DGLUCY: variants seen among roughly 807,000 people sequenced by gnomAD.
DGLUCY encodes D-glutamate cyclase.
In DGLUCY, 58 loss-of-function variants were observed where a neutral mutation model predicts 58.5. The observed-to-expected ratio is 0.99, with a 90% CI of 0.80 to 1.23. The LOEUF is 1.23. Ranked by LOEUF, DGLUCY falls within the 50% of genes most tolerant of loss-of-function variation. The probability of loss-of-function intolerance (pLI) is 0.00; values close to 1 mark genes in which losing one functional copy is unlikely to be tolerated. For missense variants in DGLUCY, 779 were observed against 784.7 expected, an observed-to-expected ratio of 0.99 and a Z score of 0.09; for synonymous variants, 325 against 314.1, an observed-to-expected ratio of 1.03 and a Z score of -0.37.
At chr14:91,085,402 T>C (rs1379737722) in intron 1 of DGLUCY, among the ~76,000 whole-genome samples, 1 of 151,900 alleles carries the variant, frequency 6.6e-6, no homozygotes, top group African/African-American at 2.4e-5. Flanking sequence ...ACGTTCTCCA[T>C]ACCCCCCACA....
chr14:91,088,697 C>A (rs1244483123), intron 1 of DGLUCY, among the ~76,000 whole-genome samples: 1 of 152,218 alleles, frequency 6.6e-6, no homozygotes, highest in African/African-American at 2.4e-5. Context: ...CTGCAGGCCA[C>A]GGTGACCTCA....
chr14:91,191,128 G>C (rs1328737523), intron 9 of DGLUCY, among the ~76,000 whole-genome samples: 1 of 152,212 alleles, frequency 6.6e-6, no homozygotes, highest in African/African-American at 2.4e-5. Flanking sequence ...ACCCCTGGGG[G>C]ACAGGACCTG....
chr14:91,172,180 C>G (rs892995671), intron 5 of DGLUCY, among the ~76,000 whole-genome samples: 8 of 152,164 alleles, frequency 5.3e-5, no homozygotes, highest in Non-Finnish European at 1.2e-4. Context: ...AAGAGATCCT[C>G]CCATCTCAGC....
intron 6 of DGLUCY, 138 bp downstream of exon 6, chr14:91,173,577 G>A (rs1239137358): frequency 8.2e-7 from 1 of 1,223,384 alleles, no homozygotes; most frequent in East Asian, 2.7e-5. Context: ...CCATGATCCT[G>A]ACAGCCTCTC....
chr14:91,066,388 G>GAAAAAAAAAAA (rs58589619), intron 1 of DGLUCY, among the ~76,000 whole-genome samples: 4 of 113,854 alleles, frequency 3.5e-5, no homozygotes, highest in Non-Finnish European at 3.7e-5. Flanking sequence ...AAAAAAAAAA[G>GAAAAAAAAAAA]AAAAAAAAAA....
intron 1 of DGLUCY, among the ~76,000 whole-genome samples, chr14:91,117,863 A>G (rs959443969): frequency 6.6e-6 from 1 of 152,162 alleles, no homozygotes; most frequent in Non-Finnish European, 1.5e-5. Context: ...TTCAGTCCAG[A>G]ATTGAGGTAT....
At chr14:91,060,866 C>T (rs899606624) in intron 1 of DGLUCY, 2 of 154,938 alleles carry the variant, frequency 1.3e-5, no homozygotes, top group South Asian at 1.9e-4. Flanking sequence ...GGGAGGAGCG[C>T]CGCCACTCCG....
intron 1 of DGLUCY, among the ~76,000 whole-genome samples, chr14:91,124,598 G>A (rs2045568206): frequency 1.3e-5 from 2 of 152,326 alleles, no homozygotes; most frequent in South Asian, 2.1e-4. Flanking sequence ...TTACACAGGG[G>A]TTGGTTGTAA....
intron 1 of DGLUCY, among the ~76,000 whole-genome samples, chr14:91,089,593 G>A (rs1258034846): frequency 1.3e-5 from 2 of 152,104 alleles, no homozygotes; most frequent in African/African-American, 4.8e-5. Flanking sequence ...AGGCCGAGGC[G>A]AGCGGAACAC....
At chr14:91,161,810 A>T (rs113681860) in intron 3 of DGLUCY, among the ~76,000 whole-genome samples, 3 of 147,990 alleles carry the variant, frequency 2.0e-5, no homozygotes, top group African/African-American at 5.0e-5. Flanking sequence ...GATTTTTGCC[A>T]TTTTTTTTTT....
intron 1 of DGLUCY, among the ~76,000 whole-genome samples, chr14:91,068,917 G>C (rs1240818046): frequency 1.3e-5 from 2 of 152,194 alleles, no homozygotes; most frequent in Non-Finnish European, 2.9e-5. Context: ...CCATGAGCAG[G>C]CAATATGTTT....
intron 1 of DGLUCY, among the ~76,000 whole-genome samples, chr14:91,132,925 T>C (rs2046109373): frequency 6.6e-6 from 1 of 152,178 alleles, no homozygotes; most frequent in African/African-American, 2.4e-5. Flanking sequence ...TTAGTCCTTT[T>C]GTGTCTAGTT....
At chr14:91,123,438 C>CGAA (rs2045500031) in intron 1 of DGLUCY, among the ~76,000 whole-genome samples, 1 of 151,206 alleles carries the variant, frequency 6.6e-6, no homozygotes, top group Admixed American at 6.6e-5. Flanking sequence ...TTTGGGAAAA[C>CGAA]TGTCATACTG....
At chr14:91,148,487 T>C (rs910833097) in intron 1 of DGLUCY, 2 of 151,492 alleles carry the variant, frequency 1.3e-5, no homozygotes, top group Admixed American at 6.6e-5. Flanking sequence ...ATTATAGGCA[T>C]GAGCCACTGT....
chr14:91,180,265 G>T (rs1206872677), intron 7 of DGLUCY, among the ~76,000 whole-genome samples: 1 of 151,680 alleles, frequency 6.6e-6, no homozygotes, highest in Non-Finnish European at 1.5e-5. Flanking sequence ...TACAGTCAAA[G>T]AAACAGGTTT....
At chr14:91,175,858 G>C (rs530749288) in intron 6 of DGLUCY, 76 bp from the exon 7 acceptor site, 1 of 1,522,994 alleles carries the variant, frequency 6.6e-7, no homozygotes, top group African/African-American at 1.4e-5. Context: ...TTTAGAGAAA[G>C]AACCATAAAC....
chr14:91,138,065 C>A (rs2046442526), intron 1 of DGLUCY, among the ~76,000 whole-genome samples: 2 of 152,226 alleles, frequency 1.3e-5, no homozygotes, highest in African/African-American at 4.8e-5. Flanking sequence ...TGACCTGACA[C>A]TTTCCTCTTT....
intron 9 of DGLUCY, chr14:91,189,668 C>T (rs919554045): frequency 8.4e-5 from 14 of 166,998 alleles, no homozygotes; most frequent in South Asian, 4.6e-4. Context: ...AGATCAGCGT[C>T]GGGCTCAATG....
In DGLUCY at chr14:91,170,934, G is replaced by A. The variant is rs561995427; in HGVS notation, c.456+733G>A. Among the ~76,000 whole-genome samples the A allele has an allele frequency of 3.3e-5, 5 of 152,298 alleles. No homozygotes were observed. The East Asian group carries it at 7.7e-4, about 24-fold the overall frequency. The stretch of plus-strand genomic sequence containing the variant: ...ACATTTATTAAAATGTCTTGGTTTG[G>A]GCTCCTGCCAGAGAGGCCCCAGCTG... On this transcript the variant is annotated intron_variant, in intron 5 of 13. Coordinates refer to ENST00000256324, the MANE Select transcript of DGLUCY (RefSeq NM_001102368.3).
Sources: allele counts gnomAD v4.1 joint callset (sites outside exome capture counted in the v4.1 genomes callset), GRCh38; gene constraint gnomAD v4.1.1; transcripts MANE v1.5; gene names NCBI Gene and HGNC (gene_info 2026-07-23, HGNC 2026-07-21).